The following NRG1 variants were observed in gnomAD, a reference collection of about 807,000 sequenced individuals.
NRG1 encodes the protein pro-neuregulin-1, membrane-bound isoform.
NRG1 carries 18 observed loss-of-function variants against 63.8 expected under a neutral mutation model. The observed-to-expected ratio is 0.28, with a 90% CI of 0.19 to 0.42. The LOEUF (loss-of-function observed/expected upper bound fraction) is 0.42. Ranked by LOEUF, NRG1 falls within the 10% of genes least tolerant of loss-of-function variation. The pLI is 1.00. For synonymous variants in NRG1, 302 were observed against 301.3 expected (o/e 1.00, Z -0.02); for missense variants, 762 against 814.7 (o/e 0.94, Z 0.79).
At chr8:32,318,880 G>T (rs960103560) in intron 1 of NRG1, among the ~76,000 whole-genome samples, 1 of 152,028 alleles carries the variant, frequency 6.6e-6, no homozygotes, top group African/African-American at 2.4e-5. Context: ...CTTAGTGACC[G>T]ATTTTGCTAT....
intron 1 of NRG1, among the ~76,000 whole-genome samples, chr8:32,144,329 T>A (rs1275810518): frequency 6.6e-6 from 1 of 152,186 alleles, no homozygotes; most frequent in Non-Finnish European, 1.5e-5. Flanking sequence ...TGGTGATTGC[T>A]GGTAGTGAAG....
chr8:31,921,385 G>A (rs563937048), intron 1 of NRG1, among the ~76,000 whole-genome samples: 3 of 152,046 alleles, frequency 2.0e-5, no homozygotes, highest in Non-Finnish European at 2.9e-5. Context: ...ATGCCAAGGA[G>A]GTTCTTTTTC....
intron 1 of NRG1, among the ~76,000 whole-genome samples, chr8:32,071,555 C>T (rs1056259023): frequency 4.6e-5 from 7 of 152,154 alleles, no homozygotes; most frequent in African/African-American, 9.7e-5. Context: ...CCTTCTGCGC[C>T]GTTAACTAGG....
intron 1 of NRG1, among the ~76,000 whole-genome samples, chr8:32,460,049 T>C (rs1822127124): frequency 6.6e-6 from 1 of 152,214 alleles, no homozygotes; most frequent in East Asian, 1.9e-4. Context: ...GTCTGTTTCC[T>C]GCCACTCCTG....
At chr8:31,897,019 C>T (rs1360402241) in intron 1 of NRG1, among the ~76,000 whole-genome samples, 1 of 152,152 alleles carries the variant, frequency 6.6e-6, no homozygotes, top group Non-Finnish European at 1.5e-5. Context: ...TTTAAAGTTG[C>T]TTGTACAGGA....
At chr8:32,337,680 A>AAAAAAAAAAAAAAAAAAAAC in intron 1 of NRG1, among the ~76,000 whole-genome samples, 1 of 113,250 alleles carries the variant, frequency 8.8e-6, no homozygotes, top group African/African-American at 3.1e-5. Flanking sequence ...AAAAAAAAAA[A>AAAAAAAAAAAAAAAAAAAAC]AAGCTGATGC....
intron 1 of NRG1, among the ~76,000 whole-genome samples, chr8:31,797,533 A>T (rs997486440): frequency 6.6e-6 from 1 of 152,226 alleles, no homozygotes; most frequent in African/African-American, 2.4e-5. Context: ...TAGTGCAGCC[A>T]TTATGGAAAA....
At chr8:31,896,602 G>T (rs1011871686) in intron 1 of NRG1, among the ~76,000 whole-genome samples, 2 of 152,208 alleles carry the variant, frequency 1.3e-5, no homozygotes, top group Admixed American at 1.3e-4. Context: ...GGTTTGTTAA[G>T]ACATAGCTTC....
chr8:32,680,357 C>T (rs1808271084), intron 5 of NRG1, among the ~76,000 whole-genome samples: 1 of 152,250 alleles, frequency 6.6e-6, no homozygotes, highest in East Asian at 1.9e-4. Flanking sequence ...GCTGAATGTT[C>T]AGTGCTAAAA....
chr8:32,494,442 G>T (rs1022891261), intron 1 of NRG1, among the ~76,000 whole-genome samples: 1 of 151,960 alleles, frequency 6.6e-6, no homozygotes, highest in African/African-American at 2.4e-5. Context: ...CCAAATAAAA[G>T]CCAAAGTGAT....
rs1036937784 is a variant in NRG1 at position 32,698,489 on chromosome 8, G to A, written c.503-29460G>A. On this transcript the variant is annotated intron_variant, in intron 5 of 11. Transcript: ENST00000356819. ...GAGGGCGTTTTAAGACATAAGCACA[G>A]CATTAAGGTGTTTCAATAGCAGACA... Among the ~76,000 whole-genome samples the A allele has an allele frequency of 2.6e-5, 4 of 152,330 alleles. No individual in the cohort carries two copies. The South Asian group carries it at 8.3e-4, about 32-fold the overall frequency.
At chr8:31,902,277 A>G (rs1832147978) in intron 1 of NRG1, among the ~76,000 whole-genome samples, 1 of 152,222 alleles carries the variant, frequency 6.6e-6, no homozygotes, top group Admixed American at 6.5e-5. Context: ...CCTTCAGTAG[A>G]AAATGGGACT....
chr8:31,914,816 T>A (rs1300689476), intron 1 of NRG1, among the ~76,000 whole-genome samples: 1 of 152,146 alleles, frequency 6.6e-6, no homozygotes, highest in African/African-American at 2.4e-5. Context: ...CTTTATTTTT[T>A]ATGGTAGTTT....
intron 1 of NRG1, among the ~76,000 whole-genome samples, chr8:31,721,190 T>G (rs1314793054): frequency 6.6e-6 from 1 of 152,166 alleles, no homozygotes; most frequent in Non-Finnish European, 1.5e-5. Flanking sequence ...AAGTGGATTT[T>G]GGCTTTGTTT....
intron 1 of NRG1, among the ~76,000 whole-genome samples, chr8:32,078,932 G>C (rs2131126775): frequency 6.6e-6 from 1 of 152,246 alleles, no homozygotes; most frequent in African/African-American, 2.4e-5. Context: ...GAAATAAGAT[G>C]TTAACTGGCA....
At chr8:32,513,665 G>A (rs1411173158) in intron 1 of NRG1, among the ~76,000 whole-genome samples, 20 of 152,066 alleles carry the variant, frequency 1.3e-4, no homozygotes, top group Admixed American at 1.3e-3. Flanking sequence ...GGATACAAAA[G>A]TATCCGTATC....
At chr8:32,616,142 TTCC>T in intron 4 of NRG1, among the ~76,000 whole-genome samples, 1 of 152,134 alleles carries the variant, frequency 6.6e-6, no homozygotes, top group Non-Finnish European at 1.5e-5. Flanking sequence ...AACCCATCCG[TTCC>T]ATGCTTTTTT....
chr8:32,439,501 G>A (rs1363592194), intron 1 of NRG1, among the ~76,000 whole-genome samples: 5 of 152,184 alleles, frequency 3.3e-5, no homozygotes, highest in South Asian at 4.1e-4. Flanking sequence ...AAAATAACTT[G>A]TATGTCCCTT....
At chr8:32,042,294 A>T in intron 1 of NRG1, among the ~76,000 whole-genome samples, 1 of 151,936 alleles carries the variant, frequency 6.6e-6, no homozygotes, top group Non-Finnish European at 1.5e-5. Context: ...AAGAAAAAAT[A>T]AAAAAATAAA....
Sources: gnomAD v4.1 joint callset for allele counts (sites outside exome capture counted in the v4.1 genomes callset) on GRCh38, gnomAD v4.1.1 for gene constraint, MANE v1.5 for transcripts, NCBI Gene and HGNC (gene_info 2026-07-23, HGNC 2026-07-21) for gene names.